The following POLA1 variants were observed in gnomAD, a reference collection of about 807,000 sequenced individuals.
POLA1 encodes DNA polymerase alpha 1, catalytic subunit.
A neutral mutation model predicts 124.0 loss-of-function variants in POLA1; 15 were observed. That is an observed-to-expected ratio of 0.12 (90% CI 0.08 to 0.19). The LOEUF is 0.19. Ranked by LOEUF, POLA1 falls within the 10% of genes least tolerant of loss-of-function variation. POLA1 has a pLI of 1.00. For missense variants in POLA1, 886 were observed against 1,103.4 expected, an observed-to-expected ratio of 0.80 and a Z score of 2.79; for synonymous variants, 408 against 389.4, an observed-to-expected ratio of 1.05 and a Z score of -0.56.
At chrX:24,805,843 G>C (rs2045787530) in intron 26 of POLA1, among the ~76,000 whole-genome samples, 1 of 110,242 alleles carries the variant, frequency 9.1e-6, no homozygotes, top group African/African-American at 3.3e-5. Context: ...CTTACAAAAT[G>C]ATTTTCTGTC....
chrX:24,792,333 G>C (rs927942374), intron 26 of POLA1, among the ~76,000 whole-genome samples: 27 of 112,027 alleles, frequency 2.4e-4, no homozygotes, highest in Non-Finnish European at 2.6e-4. Flanking sequence ...AGAAAAGAGA[G>C]GCTGTAGCAT....
intron 36 of POLA1, among the ~76,000 whole-genome samples, chrX:24,932,080 G>A (rs1257495810): frequency 9.0e-6 from 1 of 111,551 alleles, no homozygotes; most frequent in Non-Finnish European, 1.9e-5. Flanking sequence ...TGTATTTCTA[G>A]TAGAGAGGGG....
chrX:24,941,920 T>C (rs1446156115), intron 36 of POLA1, among the ~76,000 whole-genome samples: 1 of 112,382 alleles, frequency 8.9e-6, no homozygotes, highest in Non-Finnish European at 1.9e-5. Context: ...TGATGTGCTT[T>C]TCTTGTTCTA....
chrX:24,729,576 A>G (rs1030525991), intron 15 of POLA1, among the ~76,000 whole-genome samples: 3 of 112,091 alleles, frequency 2.7e-5, no homozygotes, highest in African/African-American at 9.7e-5. Flanking sequence ...TACACAGGAA[A>G]GACAGGATAA....
At chrX:24,847,336 T>C (rs1199271663) in intron 34 of POLA1, among the ~76,000 whole-genome samples, 2 of 112,159 alleles carry the variant, frequency 1.8e-5, no homozygotes, top group Non-Finnish European at 3.8e-5. Context: ...CGGTGGAGCC[T>C]CTAGAAGATG....
intron 10 of POLA1, among the ~76,000 whole-genome samples, chrX:24,722,902 A>G (rs141792530): frequency 1.4e-4 from 16 of 112,130 alleles, no homozygotes; most frequent in African/African-American, 5.2e-4. Context: ...GAAAGTGTTT[A>G]TGCAAGTTAG....
At chrX:24,777,795 T>G (rs1323839140) in intron 26 of POLA1, among the ~76,000 whole-genome samples, 4 of 111,992 alleles carry the variant, frequency 3.6e-5, no homozygotes, top group Non-Finnish European at 7.5e-5. Flanking sequence ...CTATAAAGCA[T>G]TTAAGCTTTT....
chrX:24,780,031 A>G (rs1353354250), intron 26 of POLA1, among the ~76,000 whole-genome samples: 1 of 112,293 alleles, frequency 8.9e-6, no homozygotes, highest in Non-Finnish European at 1.9e-5. Flanking sequence ...ATTTGTGGTT[A>G]TTATTATATC....
chrX:24,991,075 C>T (rs1210836904), intron 36 of POLA1, among the ~76,000 whole-genome samples: 2 of 111,720 alleles, frequency 1.8e-5, no homozygotes, highest in African/African-American at 6.5e-5. Context: ...TTTATTTAAG[C>T]TTGTCTTCCA....
Position 24,741,443 on chromosome X carries a change from T to C in POLA1, c.2285T>C (p.Met762Thr), listed in dbSNP as rs758711488. 4.2e-6 allele frequency: 5 copies of C among 1,194,417 alleles called. No individual in the cohort carries two copies. The African/African-American group carries it at 7.0e-5, about 17-fold the overall frequency. Reference protein sequence around the residue: ...WKDAKFILQIMCELNVLPLAL... With the variant: ...WKDAKFILQITCELNVLPLAL... ...GATGCCAAGTTCATTTTGCAGATCA[T>C]GTGTGAGCTAAATGTTCTTCCATTA... The change falls in exon 21 of 37, where the codon ATG becomes ACG. Residue 762 changes from methionine to threonine, a missense_variant. Around this residue, in one of 7 missense-constraint regions of POLA1, gnomAD observed 182 missense variants for 252.8 expected, o/e 0.72. Transcript: ENST00000379068.
At chrX:24,938,787 T>C (rs769968292) in intron 36 of POLA1, among the ~76,000 whole-genome samples, 73 of 112,473 alleles carry the variant, frequency 6.5e-4, no homozygotes, top group Non-Finnish European at 1.2e-3. Flanking sequence ...TTGTTTTAAC[T>C]TGAGATAACT....
At chrX:24,808,516 G>GT (rs11476568) in intron 26 of POLA1, among the ~76,000 whole-genome samples, 34 of 102,348 alleles carry the variant, frequency 3.3e-4, no homozygotes, top group African/African-American at 7.4e-4. Context: ...GATATTGTTT[G>GT]TTTTTTTTTT....
At chrX:24,880,010 T>G (rs980828556) in intron 34 of POLA1, among the ~76,000 whole-genome samples, 47 of 111,688 alleles carry the variant, frequency 4.2e-4, no homozygotes, top group African/African-American at 1.5e-3. Flanking sequence ...AAGCTCTGAT[T>G]GCAAATTAAA....
In POLA1 at chrX:24,808,811, C is replaced by T. The variant is rs779960844; in HGVS notation, c.2965-1087C>T. On this transcript the variant is annotated intron_variant, in intron 26 of 36. Transcript: ENST00000379068. ...ACGAGAAAGAAATGACACCATGAAGCTTGAGCTTAGTTGACAAGGAGGACT... is the reference window on the plus strand; with the variant it reads ...ACGAGAAAGAAATGACACCATGAAGTTTGAGCTTAGTTGACAAGGAGGACT... Among the ~76,000 whole-genome samples, 3 of 111,762 alleles carry T rather than the reference C, an allele frequency of 2.7e-5. No homozygotes were observed. The East Asian group carries it at 8.4e-4, about 31-fold the overall frequency.
chrX:24,759,808 A>G (rs188578231), intron 26 of POLA1, among the ~76,000 whole-genome samples: 3 of 112,557 alleles, frequency 2.7e-5, no homozygotes, highest in East Asian at 2.8e-4. Flanking sequence ...CTAGAATCAC[A>G]TAAATTGAGT....
intron 34 of POLA1, among the ~76,000 whole-genome samples, chrX:24,861,182 G>A (rs1484406713): frequency 8.9e-6 from 1 of 111,940 alleles, no homozygotes; most frequent in African/African-American, 3.2e-5. Context: ...GCCCAGACTG[G>A]AGTGCAATGG....
rs35938897 is a variant in POLA1 at position 24,801,924 on chromosome X, G to GGTGTGTGTGTGTGTGTGTGTGT, written c.2965-7948_2965-7927dup. On this transcript the variant is annotated intron_variant, in intron 26 of 36. Transcript: ENST00000379068. ...ACAGAGCCACTAGGAGAGGTGGGTG[G>GGTGTGTGTGTGTGTGTGTGTGT]GTGTGTGTGTGTGTGTGTGTGTGTG... Among the ~76,000 whole-genome samples, 177 of 74,527 alleles carry GGTGTGTGTGTGTGTGTGTGTGT rather than the reference G, an allele frequency of 2.4e-3. 7 individuals carry two copies. The highest frequency in any genetic ancestry group is 5.7e-3 in the East Asian group (12 of 2,096). The allele number at this position is 74,527 out of a possible 115,157, so 64.7% of individuals were successfully genotyped here.
chrX:24,736,983 C>T (rs1026099444), intron 18 of POLA1, among the ~76,000 whole-genome samples: 7 of 111,507 alleles, frequency 6.3e-5, no homozygotes, highest in Non-Finnish European at 1.3e-4. Flanking sequence ...ATCATGTTCA[C>T]GTGTTGGAAA....
intron 35 of POLA1, among the ~76,000 whole-genome samples, chrX:24,915,506 A>T (rs1451406784): frequency 1.8e-5 from 2 of 111,601 alleles, no homozygotes; most frequent in Non-Finnish European, 3.8e-5. Flanking sequence ...TTCTCTTTTT[A>T]TTTGTTTTAT....
Sources: gnomAD v4.1 joint callset for allele counts (sites outside exome capture counted in the v4.1 genomes callset) on GRCh38, gnomAD v4.1.1 for gene constraint, gnomAD v4.1.1 regional missense constraint, MANE v1.5 for transcripts, NCBI Gene and HGNC (gene_info 2026-07-23, HGNC 2026-07-21) for gene names.